CD86: variants seen among roughly 807,000 people sequenced by gnomAD.
The protein encoded by CD86 is T-lymphocyte activation antigen CD86.
In CD86, 11 loss-of-function variants were observed where a neutral mutation model predicts 32.1. The observed-to-expected ratio is 0.34, with a 90% CI of 0.22 to 0.57. The LOEUF is 0.57. CD86 is among the 20% of genes least tolerant of loss of function. The pLI is 0.86. For synonymous variants in CD86, 137 were observed against 135.3 expected (o/e 1.01, Z -0.09); for missense variants, 359 against 398.4 (o/e 0.90, Z 0.84).
At position 122,101,510 on chromosome 3, in the gene CD86, AAAAAT is replaced by A. The variant is rs1409314531; in HGVS notation, c.65-2000_65-1996del. ...AGGCTCTACAGAAAAAAAAAAAAAA[AAAAAT>A]ATATATATATATATATATATATATA... On this transcript the variant is annotated intron_variant, in intron 2 of 6. Coordinates refer to ENST00000330540, the MANE Select transcript of CD86 (RefSeq NM_175862.5). 5.2e-4 allele frequency among the ~76,000 whole-genome samples: 15 copies of A among 28,666 alleles called. 1 individual carries two copies. Among genetic ancestry groups the A allele is most frequent in the South Asian group, 2.7e-3 (2 of 736 alleles). The allele number at this position is 28,666 out of a possible 152,430, so 18.8% of individuals were successfully genotyped here. A position where few individuals can be genotyped will look rare whatever the true frequency, so the allele number is the denominator to read the frequency against.
At chr3:122,118,531 C>T (rs1333834125) in intron 6 of CD86, among the ~76,000 whole-genome samples, 3 of 152,208 alleles carry the variant, frequency 2.0e-5, no homozygotes, top group African/African-American at 7.2e-5. Context: ...GTTCTTCTGC[C>T]ACTTCTTTAC....
intron 2 of CD86, among the ~76,000 whole-genome samples, chr3:122,096,390 T>C (rs1474870010): frequency 6.6e-6 from 1 of 152,204 alleles, no homozygotes; most frequent in Non-Finnish European, 1.5e-5. Context: ...TAATTTCTTG[T>C]ACTTTTTGAT....
At chr3:122,071,378 C>T (rs2072486513) in intron 1 of CD86, among the ~76,000 whole-genome samples, 1 of 148,248 alleles carries the variant, frequency 6.7e-6, no homozygotes, top group South Asian at 2.3e-4. Context: ...TGGAATCATA[C>T]AGTATGTACC....
chr3:122,091,058 T>C (rs1255267625), intron 1 of CD86, among the ~76,000 whole-genome samples: 4 of 152,188 alleles, frequency 2.6e-5, no homozygotes, highest in African/African-American at 7.2e-5. Flanking sequence ...TACTAACCGA[T>C]TGCCCCCATC....
chr3:122,073,174 C>T (rs895615772), intron 1 of CD86, among the ~76,000 whole-genome samples: 2 of 147,472 alleles, frequency 1.4e-5, no homozygotes, highest in Admixed American at 1.3e-4. Flanking sequence ...ACATCCTCAG[C>T]AGCATTTGGT....
At chr3:122,060,560 A>G (rs989711927) in intron 1 of CD86, among the ~76,000 whole-genome samples, 4 of 151,992 alleles carry the variant, frequency 2.6e-5, no homozygotes, top group African/African-American at 9.7e-5. Context: ...AGGTGGGAGG[A>G]TGGCTTGAGG....
At chr3:122,085,858 G>T (rs553045911) in intron 1 of CD86, among the ~76,000 whole-genome samples, 1 of 152,138 alleles carries the variant, frequency 6.6e-6, no homozygotes, top group East Asian at 1.9e-4. Flanking sequence ...AGCTGGTGAC[G>T]TGCCAGTCCA....
intron 1 of CD86, among the ~76,000 whole-genome samples, chr3:122,076,992 C>T (rs774284255): frequency 9.2e-5 from 14 of 152,160 alleles, no homozygotes; most frequent in Admixed American, 2.0e-4. Flanking sequence ...CCTCCCCAAC[C>T]CTGTCAACAA....
intron 1 of CD86, among the ~76,000 whole-genome samples, chr3:122,068,391 G>A (rs186733580): frequency 8.6e-5 from 13 of 152,006 alleles, no homozygotes; most frequent in East Asian, 3.9e-4. Flanking sequence ...CAAGTTTTAC[G>A]TTTAGAATAT....
chr3:122,062,715 C>T (rs1373954365), intron 1 of CD86, among the ~76,000 whole-genome samples: 1 of 152,040 alleles, frequency 6.6e-6, no homozygotes, highest in Admixed American at 6.6e-5. Context: ...CTTTGGGAAG[C>T]CTATTAGCTT....
intron 6 of CD86, among the ~76,000 whole-genome samples, chr3:122,118,694 A>T (rs1429623815): frequency 1.3e-5 from 2 of 152,160 alleles, no homozygotes; most frequent in Non-Finnish European, 2.9e-5. Flanking sequence ...ATCTTATTAA[A>T]CTCTATAAAC....
At chr3:122,084,294 T>C (rs1053150940) in intron 1 of CD86, among the ~76,000 whole-genome samples, 7 of 152,234 alleles carry the variant, frequency 4.6e-5, no homozygotes, top group Non-Finnish European at 1.0e-4. Context: ...GCCTGTTTTA[T>C]ATTCTTACTG....
At chr3:122,095,711 AC>A (rs1331372755) in intron 2 of CD86, among the ~76,000 whole-genome samples, 5 of 152,028 alleles carry the variant, frequency 3.3e-5, no homozygotes, top group Non-Finnish European at 7.4e-5. Flanking sequence ...TATTGGATTC[AC>A]CCCTTTATGT....
rs368805809 is a variant in CD86 at position 122,067,787 on chromosome 3, G to T, written c.14+12284G>T. 2.6e-5 allele frequency among the ~76,000 whole-genome samples: 4 copies of T among 152,280 alleles called. 1 individual carries two copies. The highest frequency in any genetic ancestry group is 1.9e-4 in the East Asian group (1 of 5,192). ...AAAGAGGCCATCCCTTACTCACATT[G>T]CTGAAGAGTAGAAAGATTGACACCT... On this transcript the variant is annotated intron_variant, in intron 1 of 6. Coordinates refer to ENST00000330540, the MANE Select transcript of CD86 (RefSeq NM_175862.5).
At chr3:122,070,183 A>T (rs2072470014) in intron 1 of CD86, among the ~76,000 whole-genome samples, 1 of 152,156 alleles carries the variant, frequency 6.6e-6, no homozygotes, top group Non-Finnish European at 1.5e-5. Flanking sequence ...TGCCTTTCTG[A>T]CTTCTTGCTT....
chr3:122,099,381 C>T (rs868729511), intron 2 of CD86, among the ~76,000 whole-genome samples: 6 of 152,206 alleles, frequency 3.9e-5, no homozygotes, highest in Admixed American at 6.5e-5. Flanking sequence ...GCTGCTTACT[C>T]TTTCAGGGAG....
chr3:122,056,214 T>C (rs779402629), intron 1 of CD86, among the ~76,000 whole-genome samples: 2 of 152,184 alleles, frequency 1.3e-5, no homozygotes, highest in Non-Finnish European at 2.9e-5. Flanking sequence ...CTAAAATCTT[T>C]CCTGCCCGCT....
intron 2 of CD86, among the ~76,000 whole-genome samples, chr3:122,095,342 A>G (rs1159541439): frequency 6.6e-6 from 1 of 151,884 alleles, no homozygotes; most frequent in African/African-American, 2.4e-5. Flanking sequence ...AAAAATACAC[A>G]AATAATTTTT....
chr3:122,085,357 T>C (rs1274450444), intron 1 of CD86, among the ~76,000 whole-genome samples: 1 of 152,178 alleles, frequency 6.6e-6, no homozygotes, highest in Non-Finnish European at 1.5e-5. Flanking sequence ...CTTCCCAGTA[T>C]CTCAAAGAGG....
Sources: gnomAD v4.1 joint callset for allele counts (sites outside exome capture counted in the v4.1 genomes callset) on GRCh38, gnomAD v4.1.1 for gene constraint, MANE v1.5 for transcripts, NCBI Gene and HGNC (gene_info 2026-07-23, HGNC 2026-07-21) for gene names.